LAPTM4B: variants seen among roughly 807,000 people sequenced by gnomAD.
LAPTM4B encodes the protein lysosomal protein transmembrane 4 beta, also known as lysosomal-associated transmembrane protein 4B.
In LAPTM4B, 26 loss-of-function variants were observed where a neutral mutation model predicts 28.5. The ratio of observed to expected loss-of-function variants is 0.91; its 90% CI spans 0.67 to 1.27. The LOEUF (loss-of-function observed/expected upper bound fraction) is 1.27, where lower values mean the gene tolerates loss of function less well. Among genes scored for constraint, LAPTM4B ranks in the 50% most tolerant of loss-of-function variants. The probability of loss-of-function intolerance (pLI) is 0.00; values close to 1 mark genes in which losing one functional copy is unlikely to be tolerated. For synonymous variants in LAPTM4B, 109 were observed against 106.4 expected, an observed-to-expected ratio of 1.02 and a Z score of -0.15; for missense variants, 288 against 285.8, an observed-to-expected ratio of 1.01 and a Z score of -0.06.
intron 4 of LAPTM4B, among the ~76,000 whole-genome samples, chr8:97,817,724 A>G (rs1816943675): frequency 6.6e-6 from 1 of 151,782 alleles, no homozygotes; most frequent in South Asian, 2.1e-4. Context: ...TGCTAGGAAT[A>G]CAGGCGCCCA....
chr8:97,805,502 A>G, intron 2 of LAPTM4B, 38 bp downstream of exon 2: 2 of 1,091,198 alleles, frequency 1.8e-6, no homozygotes, highest in Non-Finnish European at 2.8e-6. Context: ...AAGGGCAGGG[A>G]ATCTGACTGC....
intron 5 of LAPTM4B, among the ~76,000 whole-genome samples, chr8:97,821,951 A>G (rs1015058330): frequency 5.3e-5 from 8 of 152,228 alleles, no homozygotes; most frequent in African/African-American, 1.4e-4. Context: ...ATAAATAATG[A>G]AAGAAAATGA....
intron 6 of LAPTM4B, among the ~76,000 whole-genome samples, chr8:97,838,071 G>A (rs1441886827): frequency 6.6e-6 from 1 of 152,200 alleles, no homozygotes. Context: ...AGGGTTAGAG[G>A]CAGTGAAGGT....
Position 97,840,490 on chromosome 8 carries a change from G to A in LAPTM4B, c.604-10907G>A, listed in dbSNP as rs74718768. Among the ~76,000 whole-genome samples the A allele has an allele frequency of 2.6e-3, 399 of 152,208 alleles. 8 individuals carry two copies. In the East Asian group the frequency reaches 0.052, roughly 20 times the overall value. On this transcript the variant is annotated intron_variant, in intron 6 of 6. Transcript: ENST00000521545. ...AAACAATTCCTTGCTCTAGGTGAGA[G>A]GAGAGTTTCTCATTAGAACTCCCAA...
intron 6 of LAPTM4B, among the ~76,000 whole-genome samples, chr8:97,838,062 G>A (rs1159142179): frequency 3.3e-5 from 5 of 152,206 alleles, no homozygotes; most frequent in African/African-American, 1.2e-4. Flanking sequence ...TCCAGAGGCA[G>A]GGTTAGAGGC....
At chr8:97,799,319 C>A (rs867022031) in intron 1 of LAPTM4B, among the ~76,000 whole-genome samples, 1 of 152,318 alleles carries the variant, frequency 6.6e-6, no homozygotes, top group Non-Finnish European at 1.5e-5. Context: ...TTGGGCAACA[C>A]TTCATCTCAT....
At chr8:97,828,405 C>T (rs1817127116) in intron 6 of LAPTM4B, among the ~76,000 whole-genome samples, 1 of 151,984 alleles carries the variant, frequency 6.6e-6, no homozygotes, top group Non-Finnish European at 1.5e-5. Context: ...TTTGTATGAA[C>T]AGAGAGATTA....
intron 1 of LAPTM4B, among the ~76,000 whole-genome samples, chr8:97,787,654 G>T (rs188947168): frequency 6.6e-6 from 1 of 152,232 alleles, no homozygotes; most frequent in Non-Finnish European, 1.5e-5. Context: ...TTCTTTTAAA[G>T]AATACAAGTC....
intron 1 of LAPTM4B, 133 bp downstream of exon 1, chr8:97,776,241 C>T (rs1340578892): frequency 1.8e-6 from 2 of 1,122,812 alleles, no homozygotes; most frequent in South Asian, 2.0e-5. Context: ...CTTAATTCTC[C>T]GGGTGCCGCG....
intron 6 of LAPTM4B, among the ~76,000 whole-genome samples, chr8:97,835,918 C>A (rs781366502): frequency 6.6e-6 from 1 of 152,166 alleles, no homozygotes; most frequent in Non-Finnish European, 1.5e-5. Context: ...AACCTGAGCA[C>A]CACTTACAAG....
At position 97,825,141 on chromosome 8, in the gene LAPTM4B, C is replaced by G. The variant is rs1817073729; in HGVS notation, c.591C>G (p.Ser197Arg). Residue 197 changes from serine to arginine, a missense_variant, in exon 6 of 7, where the codon AGC becomes AGG. Coordinates refer to ENST00000521545, the MANE Select transcript of LAPTM4B (RefSeq NM_018407.6). Reference sequence around the variant, plus strand: ...CTGATGTCCTGGTTTATGTTACCAGCAATGACACTACGGTAGGTATGATGT... The same window carrying G: ...CTGATGTCCTGGTTTATGTTACCAGGAATGACACTACGGTAGGTATGATGT... ...NSSDVLVYVT[S>R]NDTTVLLPPY... is the part of the protein sequence containing the mutation. 1.9e-6 allele frequency: 3 copies of G among 1,584,660 alleles called. No homozygotes were observed. The highest frequency in any genetic ancestry group is 2.6e-6 in the Non-Finnish European group (3 of 1,153,464).
At chr8:97,809,788 A>G (rs1046745026) in intron 2 of LAPTM4B, among the ~76,000 whole-genome samples, 1 of 152,220 alleles carries the variant, frequency 6.6e-6, no homozygotes, top group Non-Finnish European at 1.5e-5. Flanking sequence ...TCATCCAGCC[A>G]GACAGAGCAG....
intron 1 of LAPTM4B, among the ~76,000 whole-genome samples, chr8:97,800,020 C>G (rs7839633): frequency 0.55 from 83,578 of 151,954 alleles, 23,803 homozygotes; most frequent in African/African-American, 0.7. Context: ...CTGACTGTAA[C>G]TCTCCTTAAC....
At chr8:97,837,931 A>G (rs1193991497) in intron 6 of LAPTM4B, among the ~76,000 whole-genome samples, 1 of 152,242 alleles carries the variant, frequency 6.6e-6, no homozygotes, top group Non-Finnish European at 1.5e-5. Flanking sequence ...AGTAATTTAT[A>G]TAATCTCTCC....
At chr8:97,848,020 T>A (rs1471979830) in intron 6 of LAPTM4B, among the ~76,000 whole-genome samples, 8 of 152,202 alleles carry the variant, frequency 5.3e-5, no homozygotes, top group Admixed American at 5.2e-4. Flanking sequence ...TCCCTGTACT[T>A]TGGGAGGCTG....
intron 6 of LAPTM4B, among the ~76,000 whole-genome samples, chr8:97,834,735 G>A (rs1049777971): frequency 3.3e-5 from 5 of 152,078 alleles, no homozygotes; most frequent in Admixed American, 1.3e-4. Flanking sequence ...AGTAGTCTTT[G>A]ATTGCTTTCT....
intron 6 of LAPTM4B, among the ~76,000 whole-genome samples, chr8:97,848,777 AATT>A (rs1242311800): frequency 2.0e-5 from 3 of 152,208 alleles, no homozygotes; most frequent in Non-Finnish European, 2.9e-5. Context: ...GTCTTGCTAA[AATT>A]AATATTTCTG....
chr8:97,795,837 TAAAAAAAAAAAA>T (rs1190473113), intron 1 of LAPTM4B, among the ~76,000 whole-genome samples: 1 of 114,132 alleles, frequency 8.8e-6, no homozygotes, highest in Non-Finnish European at 1.7e-5. Context: ...ACTCTGTCTT[TAAAAAAAAAAAA>T]AAAAAAAAAA....
intron 1 of LAPTM4B, among the ~76,000 whole-genome samples, chr8:97,783,312 G>A (rs1816352381): frequency 6.6e-6 from 1 of 151,630 alleles, no homozygotes; most frequent in African/African-American, 2.4e-5. Flanking sequence ...TAAGTTCTGG[G>A]ATACAAGTGC....
Sources: allele counts gnomAD v4.1 joint callset (sites outside exome capture counted in the v4.1 genomes callset), GRCh38; gene constraint gnomAD v4.1.1; transcripts MANE v1.5; gene names NCBI Gene and HGNC (gene_info 2026-07-23, HGNC 2026-07-21).